Variants in LOC131768270 observed in about 807,000 individuals in gnomAD.
chr5:140,567,221 C>T, the LOC131768270 span: 15 of 1,614,164 alleles, frequency 9.3e-6, 1 homozygote, highest in Non-Finnish European at 1.2e-5. Context: ...CAGGCAGGCC[C>T]GCTGGACCCT....
chr5:140,566,793 C>T, the LOC131768270 span: 1 of 599,106 alleles, frequency 1.7e-6, no homozygotes, highest in East Asian at 2.8e-5. Flanking sequence ...GCAGGATGAG[C>T]AGCTCAGCCT....
At chr5:140,566,332 G>A in the LOC131768270 span, among the ~76,000 whole-genome samples, 4 of 152,292 alleles carry the variant, frequency 2.6e-5, no homozygotes, top group South Asian at 8.3e-4. Flanking sequence ...GACCTTGTGT[G>A]GCGGTGGAGT....
chr5:140,567,655 A>C, the LOC131768270 span: 1 of 1,614,070 alleles, frequency 6.2e-7, no homozygotes, highest in Non-Finnish European at 8.5e-7. Context: ...GGGGCCTTCA[A>C]GTTCCCGGGA....
At chr5:140,567,623 G>T in the LOC131768270 span, 14 of 1,614,174 alleles carry the variant, frequency 8.7e-6, no homozygotes, top group Non-Finnish European at 1.2e-5. Context: ...GCTGATGGCT[G>T]CGGGAGCCTG....
At chr5:140,568,060 G>A in the LOC131768270 span, 2 of 1,613,942 alleles carry the variant, frequency 1.2e-6, no homozygotes, top group Non-Finnish European at 1.7e-6. Context: ...CAGCAGTCCT[G>A]CTACGGCTGC....
At chr5:140,567,714 T>A in the LOC131768270 span, 1 of 1,614,136 alleles carries the variant, frequency 6.2e-7, no homozygotes. Context: ...CCCATGCCCC[T>A]GCATATCACT....
the LOC131768270 span, chr5:140,568,997 G>A: frequency 1.8e-5 from 3 of 167,168 alleles, no homozygotes; most frequent in African/African-American, 7.2e-5. Flanking sequence ...CCTGAGACCA[G>A]GTACAGGAAA....
the LOC131768270 span, among the ~76,000 whole-genome samples, chr5:140,566,310 A>G: frequency 6.6e-6 from 1 of 152,134 alleles, no homozygotes; most frequent in African/African-American, 2.4e-5. Flanking sequence ...CGGCAGGGCT[A>G]GGGGCATCTC....
chr5:140,568,315 G>T, the LOC131768270 span: 1 of 1,050,522 alleles, frequency 9.5e-7, no homozygotes, highest in African/African-American at 1.6e-5. Flanking sequence ...GGTGGATGAA[G>T]GGGTACCCCT....
chr5:140,565,269 A>G, the LOC131768270 span: 1 of 192,294 alleles, frequency 5.2e-6, no homozygotes, highest in Non-Finnish European at 1.1e-5. Flanking sequence ...TATGCGATCA[A>G]AATCACTCAG....
the LOC131768270 span, among the ~76,000 whole-genome samples, chr5:140,566,137 G>T: frequency 6.6e-6 from 1 of 152,212 alleles, no homozygotes; most frequent in East Asian, 1.9e-4. Flanking sequence ...AATATCTTAA[G>T]TAGTGGTTAA....
chr5:140,565,206 C>A, the LOC131768270 span: 1 of 305,408 alleles, frequency 3.3e-6, no homozygotes, highest in Non-Finnish European at 6.0e-6. Flanking sequence ...CACGGACACT[C>A]ACACCACCCT....
At chr5:140,567,961 A>G in the LOC131768270 span, 7 of 1,614,014 alleles carry the variant, frequency 4.3e-6, no homozygotes, top group Non-Finnish European at 5.9e-6. Context: ...CACTAAATGG[A>G]CTGCTCATGT....
At chr5:140,565,152 T>C in the LOC131768270 span, 93 of 363,212 alleles carry the variant, frequency 2.6e-4, no homozygotes, top group Admixed American at 2.3e-3. Flanking sequence ...CCCCATTCCC[T>C]AGCTCCCGAA....
the LOC131768270 span, chr5:140,565,141 AC>A: frequency 2.2e-3 from 848 of 377,184 alleles, 8 homozygotes; most frequent in African/African-American, 0.015. Flanking sequence ...TCCTCACTTT[AC>A]CCCATTCCCT....
At chr5:140,568,174 C>T in the LOC131768270 span, 21 of 1,613,344 alleles carry the variant, frequency 1.3e-5, no homozygotes, top group Non-Finnish European at 1.8e-5. Context: ...TGATTCCGGA[C>T]CCTGTAGATT....
chr5:140,566,289 G>T, the LOC131768270 span, among the ~76,000 whole-genome samples: 2 of 152,176 alleles, frequency 1.3e-5, no homozygotes, highest in Non-Finnish European at 2.9e-5. Flanking sequence ...AGGAAATGAG[G>T]CTGGAGAAAC....
the LOC131768270 span, chr5:140,567,965 C>T: frequency 1.9e-6 from 3 of 1,614,080 alleles, no homozygotes; most frequent in Admixed American, 3.3e-5. Flanking sequence ...AAATGGACTG[C>T]TCATGTCTGC....
chr5:140,568,029 T>A, the LOC131768270 span: 3 of 1,614,038 alleles, frequency 1.9e-6, no homozygotes, highest in Non-Finnish European at 2.5e-6. Flanking sequence ...TCCTGCTCGC[T>A]GGTGGTCAAC....
Sources: gnomAD v4.1 joint callset for allele counts (sites outside exome capture counted in the v4.1 genomes callset) on GRCh38, gnomAD v4.1.1 for gene constraint, MANE v1.5 for transcripts.